The following PTCHD4 variants were observed in gnomAD, a reference collection of about 807,000 sequenced individuals.
PTCHD4 encodes patched domain-containing protein 4.
Under a neutral mutation model 58.1 loss-of-function variants are expected in PTCHD4, and 33 were observed. That is an observed-to-expected ratio of 0.57 (90% confidence interval 0.43 to 0.76). PTCHD4 has a LOEUF of 0.76. PTCHD4 is among the 30% of genes least tolerant of loss of function. The probability of loss-of-function intolerance (pLI) is 0.00; values close to 1 mark genes in which losing one functional copy is unlikely to be tolerated. For synonymous variants in PTCHD4, 478 were observed against 409.6 expected, an observed-to-expected ratio of 1.17 and a Z score of -2.02; for missense variants, 1,058 against 1,027.1, an observed-to-expected ratio of 1.03 and a Z score of -0.41.
chr6:47,890,342 G>A (rs1764338795), intron 4 of PTCHD4, among the ~76,000 whole-genome samples: 1 of 151,942 alleles, frequency 6.6e-6, no homozygotes, highest in South Asian at 2.1e-4. Context: ...GCCAAACTTG[G>A]TAATTAACAC....
intron 3 of PTCHD4, among the ~76,000 whole-genome samples, chr6:48,009,844 T>C (rs376744975): frequency 1.3e-5 from 2 of 152,148 alleles, no homozygotes; most frequent in East Asian, 3.9e-4. Flanking sequence ...TGATAAGAAT[T>C]TCAGATTGAA....
chr6:48,009,004 G>C lies in PTCHD4; in HGVS notation c.528C>G (p.Leu176=). Residue 176 remains leucine, a synonymous_variant, in exon 4 of 5, where the codon CTC becomes CTG. Transcript: ENST00000339488. ...CTTGGGTGGCAGAGCCATAGGTCTG[G>C]AGGTAGTAGGTGATTTGAATGGCTC... is the stretch of plus-strand genomic sequence containing the variant. ...SARAIQITYY[L]QTYGSATQDL... 1 of 1,613,946 alleles carries C rather than the reference G, an allele frequency of 6.2e-7. No homozygotes were observed. The highest frequency in any genetic ancestry group is 8.5e-7 in the Non-Finnish European group (1 of 1,179,888).
At chr6:47,931,637 A>G (rs898432482) in intron 4 of PTCHD4, among the ~76,000 whole-genome samples, 1 of 152,222 alleles carries the variant, frequency 6.6e-6, no homozygotes. Context: ...TAATCTCCAA[A>G]TGTGAATATG....
chr6:47,963,756 T>G (rs1213766126), intron 4 of PTCHD4, among the ~76,000 whole-genome samples: 2 of 152,136 alleles, frequency 1.3e-5, no homozygotes, highest in Non-Finnish European at 2.9e-5. Context: ...CCCACTCAAG[T>G]GTGCTGATTT....
chr6:47,964,282 T>A lies in PTCHD4; in HGVS notation c.898+44352A>T, dbSNP rs188531202. On this transcript the variant is annotated intron_variant, in intron 4 of 4. Transcript: ENST00000339488. ...TGATAGTGTATTATGCACATAAACATTTGTTAGGAGGATACAGCTCATGTT... is the reference window on the plus strand; with the variant it reads ...TGATAGTGTATTATGCACATAAACAATTGTTAGGAGGATACAGCTCATGTT... Among the ~76,000 whole-genome samples the A allele has an allele frequency of 1.0e-3, 159 of 152,282 alleles. 1 individual carries two copies. Among genetic ancestry groups the A allele is most frequent in the African/African-American group, 3.6e-3 (149 of 41,560 alleles).
Position 47,878,805 on chromosome 6 carries a change from A to G in PTCHD4, c.2030T>C (p.Ile677Thr), listed in dbSNP as rs757045432. The G allele has an allele frequency of 5.6e-6, 9 of 1,613,558 alleles. No homozygotes were observed. The change falls in exon 5 of 5, where the codon ATC (isoleucine) becomes ACC (threonine). Residue 677 changes from isoleucine to threonine, a missense_variant. Transcript: ENST00000339488. ...LVLILTFFLV[I>T]HPLGNFWLIL... Reference sequence around the variant, plus strand: ...TAGCCAGAAGTTTCCCAGAGGGTGGATCACTAGGAAAAAAGTCAGGATTAA... The same window carrying G: ...TAGCCAGAAGTTTCCCAGAGGGTGGGTCACTAGGAAAAAAGTCAGGATTAA...
chr6:48,012,887 A>G (rs983521414), intron 3 of PTCHD4, among the ~76,000 whole-genome samples: 3 of 152,156 alleles, frequency 2.0e-5, no homozygotes, highest in African/African-American at 7.2e-5. Flanking sequence ...ATTGATTTGC[A>G]TATGTTGAAC....
chr6:48,034,838 CTT>C (rs1409190400), intron 3 of PTCHD4, among the ~76,000 whole-genome samples: 1 of 152,108 alleles, frequency 6.6e-6, no homozygotes, highest in African/African-American at 2.4e-5. Context: ...GATAAAATGT[CTT>C]AAAGAAGTGA....
At chr6:47,977,186 G>A (rs1010496276) in intron 4 of PTCHD4, among the ~76,000 whole-genome samples, 1 of 152,042 alleles carries the variant, frequency 6.6e-6, no homozygotes, top group Non-Finnish European at 1.5e-5. Flanking sequence ...AGGCTTTCAA[G>A]GTGACTCTCA....
intron 4 of PTCHD4, among the ~76,000 whole-genome samples, chr6:47,889,531 T>C (rs1454910900): frequency 6.6e-6 from 1 of 152,124 alleles, no homozygotes; most frequent in Non-Finnish European, 1.5e-5. Context: ...TTTGTTTGAG[T>C]TCATTGTAGA....
chr6:48,001,423 G>A (rs929911760), intron 4 of PTCHD4, among the ~76,000 whole-genome samples: 18 of 152,178 alleles, frequency 1.2e-4, no homozygotes, highest in South Asian at 2.1e-4. Flanking sequence ...ATAGACCAAC[G>A]GAACAGAACA....
intron 4 of PTCHD4, among the ~76,000 whole-genome samples, chr6:47,973,069 A>G (rs1767575298): frequency 6.6e-6 from 1 of 152,078 alleles, no homozygotes; most frequent in African/African-American, 2.4e-5. Flanking sequence ...ACACATCACT[A>G]CATTATATTT....
rs141585072 is a variant in PTCHD4, at chr6:47,922,445, C to T, written c.899-42509G>A. On this transcript the variant is annotated intron_variant, in intron 4 of 4. Transcript: ENST00000339488. ...TGGTTTCCTTTACCAGCCCCCCTGC[C>T]GGCCCAACTGGCTCCTTCGTGGGAA... Among the ~76,000 whole-genome samples the T allele has an allele frequency of 4.0e-3, 610 of 152,278 alleles. 3 individuals are homozygous for T. The highest frequency in any genetic ancestry group is 0.014 in the African/African-American group (578 of 41,548).
intron 3 of PTCHD4, among the ~76,000 whole-genome samples, chr6:48,022,760 T>C (rs1377061047): frequency 1.3e-5 from 2 of 152,106 alleles, no homozygotes; most frequent in South Asian, 2.1e-4. Flanking sequence ...GGAAGGTAAA[T>C]TAAATTTTGT....
rs993495952 is a variant in PTCHD4, at chr6:47,873,196, T to C, written c.*5107A>G. ...ATGAGAACCCAGTCTTCAAGTGCAA[T>C]GTATTTGCCTATGATCAAGTTTGCT... On this transcript the variant is annotated 3_prime_UTR_variant, in exon 5 of 5. Transcript: ENST00000339488. Among the ~76,000 whole-genome samples the C allele has an allele frequency of 2.6e-5, 4 of 151,738 alleles. No homozygotes were observed. Among genetic ancestry groups the C allele is most frequent in the Non-Finnish European group, 4.4e-5 (3 of 67,780 alleles).
Position 47,867,471 on chromosome 6 carries a change from T to C in PTCHD4, c.*10832A>G, listed in dbSNP as rs1229496961. 1.3e-5 allele frequency among the ~76,000 whole-genome samples: 2 copies of C among 151,800 alleles called. No homozygotes were observed. Among genetic ancestry groups the C allele is most frequent in the Admixed American group, 6.6e-5 (1 of 15,200 alleles). ...TGCATTTAAGCCCAAGGATACATCA[T>C]AAAAAGAGCTTTTTCTTTATGATCC... On this transcript the variant is annotated 3_prime_UTR_variant, in exon 5 of 5. Transcript: ENST00000339488.
intron 4 of PTCHD4, among the ~76,000 whole-genome samples, chr6:48,005,937 A>G (rs1370273990): frequency 6.6e-6 from 1 of 152,204 alleles, no homozygotes; most frequent in African/African-American, 2.4e-5. Context: ...AACCTAGCAG[A>G]GTGTTCCTTT....
chr6:47,916,235 C>T (rs1199055718), intron 4 of PTCHD4, among the ~76,000 whole-genome samples: 1 of 152,082 alleles, frequency 6.6e-6, no homozygotes, highest in Admixed American at 6.6e-5. Flanking sequence ...AGGACCTTAG[C>T]AGTCCCGCTA....
chr6:47,880,362 C>T (rs183453198), intron 4 of PTCHD4, among the ~76,000 whole-genome samples: 1 of 152,228 alleles, frequency 6.6e-6, no homozygotes, highest in Admixed American at 6.5e-5. Context: ...CAGTTCCTAA[C>T]TTTTGTTTCA....
Sources: gnomAD v4.1 joint callset for allele counts (sites outside exome capture counted in the v4.1 genomes callset) on GRCh38, gnomAD v4.1.1 for gene constraint, MANE v1.5 for transcripts, NCBI Gene and HGNC (gene_info 2026-07-23, HGNC 2026-07-21) for gene names.